Variants in PPDPFL observed in about 807,000 individuals in gnomAD.
The protein encoded by PPDPFL is pancreatic progenitor cell differentiation and proliferation factor like.
In PPDPFL, 12 loss-of-function variants were observed where a neutral mutation model predicts 12.6. The ratio of observed to expected loss-of-function variants is 0.95; its 90% CI spans 0.61 to 1.54. PPDPFL has a LOEUF of 1.54. Among genes scored for constraint, PPDPFL ranks in the 40% most tolerant of loss-of-function variants. The probability of loss-of-function intolerance (pLI) is 0.00; values close to 1 mark genes in which losing one functional copy is unlikely to be tolerated. For missense variants in PPDPFL, 114 were observed against 96.0 expected, an observed-to-expected ratio of 1.19 and a Z score of -0.78; for synonymous variants, 24 against 32.7, an observed-to-expected ratio of 0.73 and a Z score of 0.91.
upstream of PPDPFL, among the ~76,000 whole-genome samples, chr8:49,071,980 T>C (rs1585675488): frequency 6.6e-6 from 1 of 152,212 alleles, no homozygotes; most frequent in South Asian, 2.1e-4. Flanking sequence ...CCCAGCCAGA[T>C]AGCAGGCTGC....
intron 2 of PPDPFL, among the ~76,000 whole-genome samples, chr8:49,073,162 C>T (rs1808423352): frequency 6.6e-6 from 1 of 152,142 alleles, no homozygotes; most frequent in South Asian, 2.1e-4. Flanking sequence ...ATGTACCTTG[C>T]ATTCTGTAAG....
intron 1 of PPDPFL, among the ~76,000 whole-genome samples, chr8:49,056,734 C>T (rs2129243258): frequency 6.6e-6 from 1 of 152,240 alleles, no homozygotes; most frequent in East Asian, 1.9e-4. Context: ...TGATAAACAC[C>T]AGATATATAT....
chr8:49,063,809 T>C (rs1178121361), intron 1 of PPDPFL, among the ~76,000 whole-genome samples: 1 of 152,070 alleles, frequency 6.6e-6, no homozygotes, highest in Non-Finnish European at 1.5e-5. Context: ...CAGTAGATAA[T>C]GGTAGACTTC....
At chr8:49,065,742 A>G (rs1808288238) in intron 1 of PPDPFL, among the ~76,000 whole-genome samples, 1 of 152,200 alleles carries the variant, frequency 6.6e-6, no homozygotes, top group African/African-American at 2.4e-5. Context: ...AGCAGAGCAA[A>G]AGATTTGTGT....
intron 1 of PPDPFL, among the ~76,000 whole-genome samples, chr8:49,062,962 A>G (rs1001136525): frequency 6.6e-6 from 1 of 152,132 alleles, no homozygotes; most frequent in African/African-American, 2.4e-5. Flanking sequence ...ACACCACGGG[A>G]AGTGCATCTG....
intron 2 of PPDPFL, among the ~76,000 whole-genome samples, chr8:49,073,482 G>T (rs1249187602): frequency 1.3e-5 from 2 of 152,236 alleles, no homozygotes; most frequent in South Asian, 4.2e-4. Context: ...CTTCTTTCAA[G>T]GGTTGTTTGT....
rs369325097 is a variant in PPDPFL, at chr8:49,056,100, C to A, written c.-45+1731C>A. Among the ~76,000 whole-genome samples, 10 of 152,224 alleles carry A rather than the reference C, an allele frequency of 6.6e-5. No individual in the cohort carries two copies. In the South Asian group the frequency reaches 1.9e-3, roughly 28 times the overall value. ...TCTGTTGAAAACTCATATAAAGCTT[C>A]CCCTCATGCTCAAAATAAAACCCAA... On this transcript the variant is annotated intron_variant, in intron 1 of 4. Coordinates refer to the PPDPFL transcript ENST00000517663.
At position 49,075,202 on chromosome 8, in the gene PPDPFL, A is replaced by T; in HGVS notation, c.*29A>T. ...ATCATCTTTGCACTGCCATTTGATG[A>T]ACATGTTGGTAACGGTTGCCTGCCT... is the stretch of plus-strand genomic sequence containing the variant. On this transcript the variant is annotated 3_prime_UTR_variant, in exon 5 of 5. Transcript: ENST00000522267. 3.1e-6 allele frequency: 5 copies of T among 1,613,980 alleles called. No individual in the cohort carries two copies. The highest frequency in any genetic ancestry group is 4.2e-6 in the Non-Finnish European group (5 of 1,179,860).
At chr8:49,057,052 T>C (rs1808121880) in intron 1 of PPDPFL, among the ~76,000 whole-genome samples, 1 of 152,202 alleles carries the variant, frequency 6.6e-6, no homozygotes, top group African/African-American at 2.4e-5. Flanking sequence ...AAACTTGGTA[T>C]TCAAACTTTG....
intron 1 of PPDPFL, among the ~76,000 whole-genome samples, chr8:49,061,000 C>T (rs189545670): frequency 6.6e-6 from 1 of 152,026 alleles, no homozygotes; most frequent in Non-Finnish European, 1.5e-5. Context: ...TGGAGCCCAG[C>T]GAGAGGCAGA....
Position 49,075,603 on chromosome 8 carries a change from T to C in PPDPFL, c.*430T>C. On this transcript the variant is annotated 3_prime_UTR_variant, in exon 5 of 5. Transcript: ENST00000522267. ...TTAAAAAAACTTAAGTTAGACTCTT[T>C]TTCTGTCTGTTGAGTGATTTATTTA... 3.6e-6 allele frequency: 1 copy of C among 276,810 alleles called. No homozygotes were observed. The highest frequency in any genetic ancestry group is 6.9e-6 in the Non-Finnish European group (1 of 145,546). 17.1% of individuals were successfully genotyped at this position (276,810 alleles called of 1,614,324 possible). A position where few individuals can be genotyped will look rare whatever the true frequency, so the allele number is the denominator to read the frequency against.
intron 1 of PPDPFL, among the ~76,000 whole-genome samples, chr8:49,064,939 T>G (rs1298898816): frequency 1.3e-5 from 2 of 152,340 alleles, no homozygotes; most frequent in South Asian, 2.1e-4. Flanking sequence ...CTATGGAATG[T>G]CTGCTAGACA....
At chr8:49,066,681 T>G (rs1157888407) in intron 1 of PPDPFL, among the ~76,000 whole-genome samples, 2 of 152,174 alleles carry the variant, frequency 1.3e-5, no homozygotes, top group Non-Finnish European at 2.9e-5. Flanking sequence ...GGCTGCCTTC[T>G]TCTAGATAAG....
intron 1 of PPDPFL, among the ~76,000 whole-genome samples, chr8:49,056,321 T>C (rs1167670735): frequency 6.6e-6 from 1 of 152,202 alleles, no homozygotes; most frequent in African/African-American, 2.4e-5. Context: ...TGATATTATG[T>C]TTGAATTTGG....
chr8:49,058,921 G>C (rs1808153232), intron 1 of PPDPFL, among the ~76,000 whole-genome samples: 1 of 152,030 alleles, frequency 6.6e-6, no homozygotes, highest in Admixed American at 6.5e-5. Context: ...TCCACCAATT[G>C]GACTATAAAT....
intron 1 of PPDPFL, among the ~76,000 whole-genome samples, chr8:49,057,088 C>T (rs981306571): frequency 2.0e-5 from 3 of 152,122 alleles, no homozygotes; most frequent in African/African-American, 7.2e-5. Flanking sequence ...TTTTTGAAAG[C>T]TTGTGACATA....
upstream of PPDPFL, among the ~76,000 whole-genome samples, chr8:49,067,941 A>T (rs562324742): frequency 1.3e-4 from 20 of 152,298 alleles, 1 homozygote; most frequent in African/African-American, 4.8e-4. Context: ...CTTGCTGAGC[A>T]TGTGATTGTG....
chr8:49,066,748 T>C (rs144655486), intron 1 of PPDPFL, among the ~76,000 whole-genome samples: 522 of 152,258 alleles, frequency 3.4e-3, no homozygotes, highest in Non-Finnish European at 6.2e-3. Context: ...AGATTTGGGG[T>C]GCCCACTGGA....
In PPDPFL at chr8:49,059,401, A is replaced by G. The variant is rs1401428942; in HGVS notation, c.-45+5032A>G. Among the ~76,000 whole-genome samples the G allele has an allele frequency of 3.3e-5, 5 of 152,300 alleles. No individual in the cohort carries two copies. The East Asian group carries it at 9.7e-4, about 29-fold the overall frequency. On this transcript the variant is annotated intron_variant, in intron 1 of 4. Transcript: ENST00000517663. ...TTAGTCTAGAAATACTAAAACCTCA[A>G]AATACTTATACACATTCACCAATAA...
Sources: allele counts gnomAD v4.1 joint callset (sites outside exome capture counted in the v4.1 genomes callset), GRCh38; gene constraint gnomAD v4.1.1; transcripts MANE v1.5; gene names NCBI Gene and HGNC (gene_info 2026-07-23, HGNC 2026-07-21).